Variants in SPAG16 observed in about 807,000 individuals in gnomAD.
SPAG16 encodes the protein sperm associated antigen 16, also known as sperm-associated antigen 16 protein.
In SPAG16, 86 loss-of-function variants were observed where a neutral mutation model predicts 80.4. That is an observed-to-expected ratio of 1.07 (90% confidence interval 0.90 to 1.28). The LOEUF is 1.28. Ranked by LOEUF, SPAG16 falls within the 50% of genes most tolerant of loss-of-function variation. The pLI is 0.00. For missense variants in SPAG16, 870 were observed against 765.3 expected (o/e 1.14, Z -1.61); for synonymous variants, 294 against 265.9 (o/e 1.11, Z -1.03).
At chr2:213,932,341 G>A (rs137889142) in intron 12 of SPAG16, among the ~76,000 whole-genome samples, 299 of 151,378 alleles carry the variant, frequency 2.0e-3, no homozygotes, top group African/African-American at 7.0e-3. Flanking sequence ...TCAGCCTCCC[G>A]AGTAGCTGGG....
At chr2:214,263,361 A>C (rs1483766246) in intron 15 of SPAG16, among the ~76,000 whole-genome samples, 1 of 152,168 alleles carries the variant, frequency 6.6e-6, no homozygotes, top group Non-Finnish European at 1.5e-5. Flanking sequence ...CAAGTTTTGC[A>C]AGAAATTTTG....
intron 15 of SPAG16, among the ~76,000 whole-genome samples, chr2:214,330,063 T>C (rs1696798172): frequency 1.3e-5 from 2 of 150,676 alleles, no homozygotes; most frequent in Non-Finnish European, 2.9e-5. Context: ...GGTCAGGAGT[T>C]CAAGACCAAC....
At chr2:213,924,908 C>T (rs560326964) in intron 11 of SPAG16, among the ~76,000 whole-genome samples, 4 of 151,966 alleles carry the variant, frequency 2.6e-5, no homozygotes, top group African/African-American at 4.8e-5. Flanking sequence ...CTTTTTTCCT[C>T]CTTTCCTATT....
At chr2:214,056,970 C>T (rs983202267) in intron 13 of SPAG16, among the ~76,000 whole-genome samples, 5 of 152,104 alleles carry the variant, frequency 3.3e-5, no homozygotes, top group African/African-American at 1.2e-4. Flanking sequence ...TTATCATGAG[C>T]TTATAGCAAT....
At chr2:213,467,110 G>A (rs1315819884) in intron 9 of SPAG16, among the ~76,000 whole-genome samples, 1 of 152,136 alleles carries the variant, frequency 6.6e-6, no homozygotes, top group African/African-American at 2.4e-5. Context: ...GGATTTCTGT[G>A]CTCCCAATAT....
At chr2:213,666,504 C>T (rs1321154919) in intron 10 of SPAG16, among the ~76,000 whole-genome samples, 1 of 152,156 alleles carries the variant, frequency 6.6e-6, no homozygotes, top group Non-Finnish European at 1.5e-5. Flanking sequence ...TGAAAAGATA[C>T]TTCAACCTTT....
intron 15 of SPAG16, among the ~76,000 whole-genome samples, chr2:214,381,762 A>G (rs1700461224): frequency 6.6e-6 from 1 of 152,198 alleles, no homozygotes; most frequent in Non-Finnish European, 1.5e-5. Context: ...CTGTTACTTA[A>G]TCCAATCCAA....
At chr2:214,002,542 T>C (rs375949686) in intron 12 of SPAG16, among the ~76,000 whole-genome samples, 1 of 151,856 alleles carries the variant, frequency 6.6e-6, no homozygotes, top group Non-Finnish European at 1.5e-5. Context: ...GAGAGAGAGA[T>C]AGATGCAATT....
intron 10 of SPAG16, among the ~76,000 whole-genome samples, chr2:213,728,546 G>A (rs1349821261): frequency 2.0e-5 from 3 of 152,144 alleles, no homozygotes; most frequent in African/African-American, 7.2e-5. Flanking sequence ...GACAGAAACA[G>A]AATGCTACTT....
chr2:213,812,536 G>T (rs1267974573), intron 10 of SPAG16, among the ~76,000 whole-genome samples: 2 of 152,200 alleles, frequency 1.3e-5, no homozygotes, highest in Non-Finnish European at 2.9e-5. Context: ...TTACCTGGTA[G>T]CAGATGTATG....
chr2:213,711,778 C>T (rs1383948830), intron 10 of SPAG16, among the ~76,000 whole-genome samples: 3 of 151,974 alleles, frequency 2.0e-5, no homozygotes, highest in Non-Finnish European at 4.4e-5. Flanking sequence ...CCTTGGCCTC[C>T]CAAAGTGCTG....
At chr2:214,147,525 C>T (rs1270274489) in intron 14 of SPAG16, among the ~76,000 whole-genome samples, 1 of 152,144 alleles carries the variant, frequency 6.6e-6, no homozygotes, top group Non-Finnish European at 1.5e-5. Context: ...AATTTCCATT[C>T]TGTGACTTCT....
intron 10 of SPAG16, among the ~76,000 whole-genome samples, chr2:213,734,541 G>A (rs968502604): frequency 5.9e-5 from 9 of 152,180 alleles, no homozygotes; most frequent in Non-Finnish European, 1.2e-4. Flanking sequence ...TATGCTTGCA[G>A]TAGATTTATA....
intron 15 of SPAG16, among the ~76,000 whole-genome samples, chr2:214,314,569 T>TAACA (rs374352092): frequency 1.3e-4 from 20 of 152,322 alleles, no homozygotes; most frequent in African/African-American, 4.3e-4. Context: ...GAAAGTTACT[T>TAACA]AACATCTTCT....
chr2:213,676,400 C>A (rs1207336767), intron 10 of SPAG16, among the ~76,000 whole-genome samples: 1 of 149,528 alleles, frequency 6.7e-6, no homozygotes. Flanking sequence ...ATTGCCCTGG[C>A]CAGAACTTCC....
intron 15 of SPAG16, among the ~76,000 whole-genome samples, chr2:214,301,906 A>C (rs1694577757): frequency 6.6e-6 from 1 of 152,116 alleles, no homozygotes; most frequent in Non-Finnish European, 1.5e-5. Flanking sequence ...TTGGATGTAG[A>C]CATTCAATAC....
chr2:213,553,658 G>C (rs941492564), intron 10 of SPAG16, among the ~76,000 whole-genome samples: 2 of 152,142 alleles, frequency 1.3e-5, no homozygotes, highest in African/African-American at 2.4e-5. Context: ...TACTTCACGA[G>C]TGACCATACC....
chr2:213,329,977 A>C (rs1325826130), intron 5 of SPAG16, among the ~76,000 whole-genome samples: 3 of 152,320 alleles, frequency 2.0e-5, no homozygotes, highest in Non-Finnish European at 4.4e-5. Flanking sequence ...GGCAGCTTCC[A>C]TGTGATGTTG....
At chr2:213,632,622 T>A (rs1230546904) in intron 10 of SPAG16, among the ~76,000 whole-genome samples, 1 of 152,172 alleles carries the variant, frequency 6.6e-6, no homozygotes, top group Non-Finnish European at 1.5e-5. Flanking sequence ...TATATGGCTT[T>A]TATTATGTTG....
Sources: allele counts gnomAD v4.1 joint callset (sites outside exome capture counted in the v4.1 genomes callset), GRCh38; gene constraint gnomAD v4.1.1; transcripts MANE v1.5; gene names NCBI Gene and HGNC (gene_info 2026-07-23, HGNC 2026-07-21).